SLC25A33: variants seen among roughly 807,000 people sequenced by gnomAD.
The protein encoded by SLC25A33 is solute carrier family 25 member 33.
SLC25A33 carries 15 observed loss-of-function variants against 35.5 expected under a neutral mutation model. That is an observed-to-expected ratio of 0.42 (90% confidence interval 0.28 to 0.65). The LOEUF (loss-of-function observed/expected upper bound fraction) is 0.65, where lower values mean the gene tolerates loss of function less well. SLC25A33 is among the 30% of genes least tolerant of loss of function. The pLI, the probability that SLC25A33 is intolerant of heterozygous loss-of-function variation, is 0.20. For synonymous variants in SLC25A33, 136 were observed against 148.7 expected, an observed-to-expected ratio of 0.91 and a Z score of 0.62; for missense variants, 257 against 398.5, an observed-to-expected ratio of 0.64 and a Z score of 3.02.
chr1:9,544,997 A>G (rs1035904887), intron 1 of SLC25A33, among the ~76,000 whole-genome samples: 7 of 152,344 alleles, frequency 4.6e-5, no homozygotes, highest in Non-Finnish European at 7.3e-5. Flanking sequence ...AGTATATATT[A>G]TAGTAGTAAC....
rs1407214992 is a variant in SLC25A33, at chr1:9,560,448, C to T, written c.236+6643C>T. 5.3e-5 allele frequency among the ~76,000 whole-genome samples: 8 copies of T among 151,272 alleles called. No homozygotes were observed. The South Asian group carries it at 6.3e-4, about 12-fold the overall frequency. On this transcript the variant is annotated intron_variant, in intron 2 of 6. Coordinates refer to ENST00000302692, the MANE Select transcript of SLC25A33 (RefSeq NM_032315.3). The stretch of plus-strand genomic sequence containing the variant: ...GTGTGGCGGTGGGCGCCTGTAATCC[C>T]GGCTACTCGGGAGGTTGAGGCAGGA...
intron 2 of SLC25A33, among the ~76,000 whole-genome samples, chr1:9,559,991 C>T (rs1643398792): frequency 6.6e-6 from 1 of 152,174 alleles, no homozygotes; most frequent in South Asian, 2.1e-4. Flanking sequence ...GTGGCTCACC[C>T]TTGTAATCCC....
intron 2 of SLC25A33, among the ~76,000 whole-genome samples, chr1:9,557,296 A>G (rs1181110237): frequency 6.6e-6 from 1 of 152,202 alleles, no homozygotes; most frequent in Non-Finnish European, 1.5e-5. Context: ...TTAGTAAGTA[A>G]AATTTTAGTT....
chr1:9,555,627 C>T (rs1167281990), intron 2 of SLC25A33, among the ~76,000 whole-genome samples: 1 of 152,080 alleles, frequency 6.6e-6, no homozygotes, highest in Non-Finnish European at 1.5e-5. Context: ...AGAAGCCCAG[C>T]GAGGGAACAG....
chr1:9,558,896 C>T (rs1557529009), intron 2 of SLC25A33, among the ~76,000 whole-genome samples: 1 of 152,160 alleles, frequency 6.6e-6, no homozygotes, highest in African/African-American at 2.4e-5. Flanking sequence ...TGCTGTCTCC[C>T]TCTGGGTAAG....
chr1:9,557,936 A>G (rs1643369212), intron 2 of SLC25A33, among the ~76,000 whole-genome samples: 1 of 152,202 alleles, frequency 6.6e-6, no homozygotes. Flanking sequence ...ACAACTATTT[A>G]ATAACTTTCA....
Position 9,576,781 on chromosome 1 carries a change from C to T in SLC25A33, c.483-3173C>T, listed in dbSNP as rs1321863126. ...AAATTTCTTGGATGAAAAATACACC[C>T]GCAGGGTTCAGATGAGACCAGGTGT... On this transcript the variant is annotated intron_variant, in intron 5 of 6. Transcript: ENST00000302692. 23 of 1,159,902 alleles carry T rather than the reference C, an allele frequency of 2.0e-5. No individual in the cohort carries two copies. The Middle Eastern group carries it at 1.5e-3, about 75-fold the overall frequency. 71.9% of individuals were successfully genotyped at this position (1,159,902 alleles called of 1,614,324 possible).
intron 2 of SLC25A33, among the ~76,000 whole-genome samples, chr1:9,562,416 T>A (rs1643436813): frequency 6.6e-6 from 1 of 151,582 alleles, no homozygotes; most frequent in South Asian, 2.1e-4. Context: ...CTCAGGAGGC[T>A]GAGGCAGCAG....
In SLC25A33 at chr1:9,548,441, G is replaced by T. The variant is rs7539310; in HGVS notation, c.57-5185G>T. Among the ~76,000 whole-genome samples the T allele has an allele frequency of 8.6e-3, 1,307 of 152,180 alleles. 20 individuals carry two copies. The highest frequency in any genetic ancestry group is 0.052 in the East Asian group (268 of 5,164). On this transcript the variant is annotated intron_variant, in intron 1 of 6. Transcript: ENST00000302692. ...TACTAAAAATACAAAAATTATCTAG[G>T]TAGGGTGGCACACGCCTGTAATCCC...
intron 4 of SLC25A33, among the ~76,000 whole-genome samples, chr1:9,570,946 C>G (rs149201681): frequency 0.012 from 1,751 of 152,186 alleles, 32 homozygotes; most frequent in African/African-American, 0.039. Flanking sequence ...CTCCTGACCT[C>G]AAGTGATCCA....
chr1:9,573,601 G>A (rs544592071), intron 5 of SLC25A33, among the ~76,000 whole-genome samples, 189 bp downstream of exon 5: 4 of 152,244 alleles, frequency 2.6e-5, no homozygotes, highest in East Asian at 1.9e-4. Context: ...AGATGAGGGC[G>A]ACAGAGATGA....
In SLC25A33 at chr1:9,580,219, A is replaced by C; in HGVS notation, c.748A>C (p.Ile250Leu). Reference protein sequence around the residue: ...AALSKGCASCIAYPHEVIRTR... With the variant: ...AALSKGCASCLAYPHEVIRTR... ...TCTTTCTAAGGGCTGTGCCTCCTGC[A>C]TTGCTTATCCACACGGTATGTTTTG... Residue 250 changes from isoleucine (I) to leucine (L), a missense_variant, in exon 6 of 7, where the codon ATT becomes CTT. Transcript: ENST00000302692. 6.2e-7 allele frequency: 1 copy of C among 1,610,762 alleles called. No individual in the cohort carries two copies. The highest frequency in any genetic ancestry group is 8.5e-7 in the Non-Finnish European group (1 of 1,178,924).
chr1:9,540,073 T>G (rs1643054249), intron 1 of SLC25A33, among the ~76,000 whole-genome samples: 1 of 151,920 alleles, frequency 6.6e-6, no homozygotes, highest in East Asian at 1.9e-4. Context: ...GCCTGGACGC[T>G]GTGGCGCGGC....
chr1:9,540,399 T>C (rs935657090), intron 1 of SLC25A33, among the ~76,000 whole-genome samples: 1 of 152,046 alleles, frequency 6.6e-6, no homozygotes, highest in Non-Finnish European at 1.5e-5. Flanking sequence ...AATTGTAAGG[T>C]GTTCCTTGTT....
intron 2 of SLC25A33, among the ~76,000 whole-genome samples, chr1:9,564,711 A>C (rs1643473679): frequency 7.3e-6 from 1 of 137,514 alleles, no homozygotes. Context: ...ACATGGTGAC[A>C]CCTCGTCTCT....
chr1:9,550,004 T>TATAA (rs1643241100), intron 1 of SLC25A33, among the ~76,000 whole-genome samples: 1 of 65,652 alleles, frequency 1.5e-5, no homozygotes, highest in African/African-American at 6.2e-5. Context: ...TACATATATA[T>TATAA]ATATATATTT....
At chr1:9,546,217 C>T (rs1162519088) in intron 1 of SLC25A33, among the ~76,000 whole-genome samples, 1 of 124,342 alleles carries the variant, frequency 8.0e-6, no homozygotes, top group Non-Finnish European at 1.6e-5. Flanking sequence ...CGGAGTCTCG[C>T]TCTGTCGCCC....
intron 2 of SLC25A33, among the ~76,000 whole-genome samples, chr1:9,564,872 C>T (rs1277222082): frequency 2.7e-5 from 4 of 150,560 alleles, no homozygotes; most frequent in Admixed American, 6.7e-5. Flanking sequence ...TGCTGTGAGC[C>T]GAGATCGTCC....
chr1:9,580,013 A>C lies in SLC25A33; in HGVS notation c.542A>C (p.Glu181Ala). The part of the protein sequence containing the change: ...LQCARYVYQT[E>A]GIRGFYRGLT... ...TGTGCTCGTTACGTTTACCAGACCG[A>C]AGGCATTCGTGGCTTCTATAGAGGA... is the stretch of plus-strand genomic sequence containing the variant. The change falls in exon 6 of 7, where the codon GAA becomes GCA. Residue 181 changes from glutamate (E) to alanine (A), a missense_variant. Transcript: ENST00000302692. 1 of 1,613,560 alleles carries C rather than the reference A, an allele frequency of 6.2e-7. No homozygotes were observed. Among genetic ancestry groups the C allele is most frequent in the Non-Finnish European group, 8.5e-7 (1 of 1,179,724 alleles).
Sources: allele counts gnomAD v4.1 joint callset (sites outside exome capture counted in the v4.1 genomes callset), GRCh38; gene constraint gnomAD v4.1.1; transcripts MANE v1.5; gene names NCBI Gene and HGNC (gene_info 2026-07-23, HGNC 2026-07-21).